NTM: variants seen among roughly 807,000 people sequenced by gnomAD.
NTM encodes IgLON family member 2.
A neutral mutation model predicts 42.1 loss-of-function variants in NTM; 13 were observed. The observed-to-expected ratio is 0.31, with a 90% CI of 0.20 to 0.49. The LOEUF is 0.49. Ranked by LOEUF, NTM falls within the 20% of genes least tolerant of loss-of-function variation. NTM has a pLI of 0.99. For synonymous variants in NTM, 187 were observed against 179.2 expected (o/e 1.04, Z -0.35); for missense variants, 373 against 452.8 (o/e 0.82, Z 1.60).
intron 1 of NTM, chr11:131,534,735 AC>A (rs1442677012): frequency 6.6e-6 from 1 of 152,210 alleles, no homozygotes; most frequent in Non-Finnish European, 1.5e-5. Flanking sequence ...CAGAGCCATT[AC>A]TGAAAAGTCA....
chr11:131,409,368 G>A (rs924377404), intron 1 of NTM, among the ~76,000 whole-genome samples: 2 of 152,192 alleles, frequency 1.3e-5, no homozygotes, highest in Non-Finnish European at 2.9e-5. Flanking sequence ...GTTGGAGGGA[G>A]GAAACCTGGA....
At chr11:131,818,876 A>G (rs985139243) in intron 1 of NTM, among the ~76,000 whole-genome samples, 1 of 152,198 alleles carries the variant, frequency 6.6e-6, no homozygotes, top group Non-Finnish European at 1.5e-5. Flanking sequence ...GAGATGCAGT[A>G]CACGGAAAAG....
intron 1 of NTM, among the ~76,000 whole-genome samples, chr11:131,848,074 C>T (rs886403848): frequency 2.6e-5 from 4 of 152,238 alleles, no homozygotes; most frequent in East Asian, 1.9e-4. Context: ...TTTATAATGA[C>T]GTTTGCTGAG....
chr11:131,388,996 G>A (rs1459443601), intron 1 of NTM, among the ~76,000 whole-genome samples: 2 of 67,266 alleles, frequency 3.0e-5, no homozygotes, highest in East Asian at 5.5e-4. Context: ...TGGGCGACAA[G>A]AGCAAGACTT....
chr11:131,969,425 A>G (rs2063245872), intron 2 of NTM, among the ~76,000 whole-genome samples: 2 of 152,204 alleles, frequency 1.3e-5, no homozygotes, highest in African/African-American at 4.8e-5. Flanking sequence ...GTACTTGTTC[A>G]TGTTTTTCTG....
intron 1 of NTM, among the ~76,000 whole-genome samples, chr11:131,601,146 C>T (rs2060451170): frequency 6.6e-6 from 1 of 152,182 alleles, no homozygotes; most frequent in Non-Finnish European, 1.5e-5. Flanking sequence ...AGGGGTGGGC[C>T]ACGCCCTTTC....
chr11:131,431,686 C>T (rs1356180487), intron 1 of NTM, among the ~76,000 whole-genome samples: 1 of 152,182 alleles, frequency 6.6e-6, no homozygotes, highest in Non-Finnish European at 1.5e-5. Context: ...TCACAACCAC[C>T]CTGGATCTGG....
chr11:131,603,819 A>T (rs2060692079), intron 1 of NTM, among the ~76,000 whole-genome samples: 3 of 152,176 alleles, frequency 2.0e-5, no homozygotes, highest in Non-Finnish European at 4.4e-5. Flanking sequence ...TCCACTTAGC[A>T]TCGTTTTTCA....
At chr11:132,287,955 C>G (rs2094312410) in intron 4 of NTM, among the ~76,000 whole-genome samples, 1 of 152,222 alleles carries the variant, frequency 6.6e-6, no homozygotes, top group Non-Finnish European at 1.5e-5. Context: ...ATTTAATAAA[C>G]ATTTATGTGG....
At chr11:131,635,480 A>G (rs760354475) in intron 1 of NTM, among the ~76,000 whole-genome samples, 1 of 152,184 alleles carries the variant, frequency 6.6e-6, no homozygotes, top group Non-Finnish European at 1.5e-5. Context: ...CTTACAGAAT[A>G]AGGATATAAA....
At chr11:131,404,144 C>A (rs1945552837) in intron 1 of NTM, among the ~76,000 whole-genome samples, 1 of 152,158 alleles carries the variant, frequency 6.6e-6, no homozygotes, top group Non-Finnish European at 1.5e-5. Context: ...AAGCTTCTTA[C>A]AATAAAGATC....
At chr11:131,449,408 C>T (rs185648999) in intron 1 of NTM, among the ~76,000 whole-genome samples, 3 of 152,300 alleles carry the variant, frequency 2.0e-5, no homozygotes, top group African/African-American at 4.8e-5. Context: ...CCAGCTTCCT[C>T]GTTGTGCAGA....
At chr11:131,800,426 T>A (rs2092003451) in intron 1 of NTM, among the ~76,000 whole-genome samples, 1 of 152,256 alleles carries the variant, frequency 6.6e-6, no homozygotes, top group Non-Finnish European at 1.5e-5. Flanking sequence ...ATGGGAATTG[T>A]GAAACACAGA....
At chr11:132,100,301 T>TAA (rs1422272639) in intron 2 of NTM, among the ~76,000 whole-genome samples, 1 of 152,214 alleles carries the variant, frequency 6.6e-6, no homozygotes, top group African/African-American at 2.4e-5. Context: ...GCATCATTGA[T>TAA]AAAGTATGCA....
At chr11:131,460,511 C>T (rs1951277154) in intron 1 of NTM, among the ~76,000 whole-genome samples, 1 of 152,156 alleles carries the variant, frequency 6.6e-6, no homozygotes, top group African/African-American at 2.4e-5. Flanking sequence ...AATCCAAATA[C>T]TATGCTCGAT....
chr11:131,897,510 A>G (rs946511041), intron 1 of NTM, among the ~76,000 whole-genome samples: 7 of 152,212 alleles, frequency 4.6e-5, no homozygotes, highest in Non-Finnish European at 7.3e-5. Context: ...AAGACACAGC[A>G]CAGGTCAGGA....
intron 1 of NTM, among the ~76,000 whole-genome samples, chr11:131,625,729 C>T (rs961153794): frequency 6.6e-6 from 1 of 152,090 alleles, no homozygotes; most frequent in South Asian, 2.1e-4. Context: ...TCACAGCTGC[C>T]CTCTTCCACA....
intron 1 of NTM, among the ~76,000 whole-genome samples, chr11:131,723,740 C>T (rs1261696856): frequency 6.6e-6 from 1 of 152,066 alleles, no homozygotes; most frequent in Non-Finnish European, 1.5e-5. Flanking sequence ...TTTCCTTTTT[C>T]ATCTTGTTTG....
chr11:132,092,112 A>T (rs538814667), intron 2 of NTM, among the ~76,000 whole-genome samples: 1 of 152,296 alleles, frequency 6.6e-6, no homozygotes, highest in African/African-American at 2.4e-5. Context: ...ACGCCATTTG[A>T]TAATTTTTCT....
Sources: gnomAD v4.1 joint callset for allele counts (sites outside exome capture counted in the v4.1 genomes callset) on GRCh38, gnomAD v4.1.1 for gene constraint, MANE v1.5 for transcripts, NCBI Gene and HGNC (gene_info 2026-07-23, HGNC 2026-07-21) for gene names.